Variants in RPS2 observed in about 807,000 individuals in gnomAD.
RPS2 encodes the protein ribosomal protein S2, also known as small ribosomal subunit protein uS5.
A neutral mutation model predicts 25.3 loss-of-function variants in RPS2; 8 were observed. The ratio of observed to expected loss-of-function variants is 0.32; its 90% CI spans 0.19 to 0.57. RPS2 has a LOEUF of 0.57. Among genes scored for constraint, RPS2 ranks in the 20% least tolerant of loss-of-function variants. RPS2 has a pLI of 0.90. For synonymous variants in RPS2, 181 were observed against 161.3 expected (o/e 1.12, Z -0.92); for missense variants, 229 against 408.1 (o/e 0.56, Z 3.78).
chr16:1,962,475 G>A (rs368890652), intron 6 of RPS2, 22 bp downstream of exon 6: 2 of 1,604,672 alleles, frequency 1.2e-6, no homozygotes, highest in African/African-American at 1.3e-5. Flanking sequence ...CCATGGCTAT[G>A]CCCCATGTGT....
At chr16:1,963,445 C>A (rs2083276584) in intron 3 of RPS2, among the ~76,000 whole-genome samples, 189 bp from the exon 4 acceptor site, 1 of 152,066 alleles carries the variant, frequency 6.6e-6, no homozygotes, top group Non-Finnish European at 1.5e-5. Flanking sequence ...TGAAACCCCA[C>A]CTCTATTAAA....
intron 3 of RPS2, chr16:1,963,984 C>G: frequency 2.2e-6 from 1 of 449,586 alleles, no homozygotes; most frequent in East Asian, 4.5e-5. Flanking sequence ...ACTTCATCAT[C>G]CTCTCGGATG....
At chr16:1,962,420 C>G in intron 6 of RPS2, 77 bp downstream of exon 6, 1 of 1,459,898 alleles carries the variant, frequency 6.8e-7, no homozygotes, top group Non-Finnish European at 9.6e-7. Flanking sequence ...CCTGAAAACA[C>G]GCCAAGCACA....
At chr16:1,964,661 G>A (rs781328094) in intron 1 of RPS2, 33 bp from the exon 2 acceptor site, 5 of 1,166,946 alleles carry the variant, frequency 4.3e-6, no homozygotes, top group African/African-American at 1.6e-5. Flanking sequence ...ACTAGTCAGT[G>A]TGGCCTACGC....
chr16:1,962,792 C>A lies in RPS2; in HGVS notation c.493G>T (p.Val165Leu), dbSNP rs1231356093. The change falls in exon 5 of 7, where the codon GTG (valine) becomes TTG (leucine). Residue 165 changes from valine (V) to leucine (L), a missense_variant. By Grantham distance (32) the Val-to-Leu change is conservative. Transcript: ENST00000343262. Reference protein sequence around the residue: ...IILAKLSIVPVRRGYWGNKIG... With the variant: ...IILAKLSIVPLRRGYWGNKIG... ...TTGTTCCCCCAGTAGCCTCTGCGCA[C>A]GGGGACGATGGAGAGCTTGGCCAGG... 1.9e-6 allele frequency: 3 copies of A among 1,611,482 alleles called. No homozygotes were observed. The highest frequency in any genetic ancestry group is 1.3e-5 in the African/African-American group (1 of 75,014).
At position 1,964,262 on chromosome 16, in the gene RPS2, C is replaced by A. The variant is rs762501995; in HGVS notation, c.267+14G>T. On this transcript the variant is annotated intron_variant, in intron 3 of 6. Coordinates refer to ENST00000343262, the MANE Select transcript of RPS2 (RefSeq NM_002952.4). Reference sequence around the variant, plus strand: ...GGGTCGCACTTGCTCAACGCCCCAACGACCGACGCGTACCTTAATAGGCAG... The same window carrying A: ...GGGTCGCACTTGCTCAACGCCCCAAAGACCGACGCGTACCTTAATAGGCAG... 6 of 1,604,246 alleles carry A rather than the reference C, an allele frequency of 3.7e-6. No homozygotes were observed. The South Asian group carries it at 5.5e-5, about 15-fold the overall frequency.
chr16:1,962,941 G>A (rs1265521456), intron 4 of RPS2, 32 bp from the exon 5 acceptor site: 24 of 1,595,926 alleles, frequency 1.5e-5, no homozygotes, highest in Non-Finnish European at 1.9e-5. Context: ...GCAGCTGGTG[G>A]CCCTACACCC....
At position 1,964,515 on chromosome 16, in the gene RPS2, A is replaced by G. The variant is rs200457877; in HGVS notation, c.111T>C (p.Gly37=). The G allele has an allele frequency of 7.8e-5, 124 of 1,595,610 alleles. No homozygotes were observed. The East Asian group carries it at 2.7e-3, about 35-fold the overall frequency. The change falls in exon 2 of 7, where the codon GGT becomes GGC. Residue 37 remains glycine, a synonymous_variant. Transcript: ENST00000343262. ...GGCCCCGGCCCCGTCCACGGCCGCG[A>G]CCCCGGCCCCGGATGCCACTGCCGA... ...GGFGSGIRGR[G]RGRGRGRGRG...
At chr16:1,962,458 T>C (rs1555482948) in intron 6 of RPS2, 39 bp downstream of exon 6, 2 of 1,593,764 alleles carry the variant, frequency 1.3e-6, no homozygotes, top group African/African-American at 1.3e-5. Flanking sequence ...TAAGCGGAGC[T>C]GAGAGACCAT....
intron 3 of RPS2, chr16:1,963,653 C>G (rs1396954837): frequency 5.7e-6 from 2 of 349,724 alleles, no homozygotes; most frequent in Non-Finnish European, 1.1e-5. Context: ...ACCCCCTCAC[C>G]TGGCTTCCCC....
intron 4 of RPS2, 21 bp downstream of exon 4, chr16:1,963,128 C>A: frequency 6.3e-7 from 1 of 1,580,008 alleles, no homozygotes; most frequent in Non-Finnish European, 8.7e-7. Context: ...CAGCGCAGCC[C>A]CCTCCAGGAC....
intron 3 of RPS2, chr16:1,963,808 A>T: frequency 2.2e-6 from 1 of 458,310 alleles, no homozygotes; most frequent in Non-Finnish European, 4.4e-6. Context: ...TGCTTTGTCC[A>T]GCTTTGGCCT....
chr16:1,964,053 G>C lies in RPS2; in HGVS notation c.267+223C>G, dbSNP rs1473809444. On this transcript the variant is annotated intron_variant, in intron 3 of 6. Transcript: ENST00000343262. ...TTCGAAATGAATTCGCTGCGAATGT[G>C]GGAAGATGCGCTGAAATGCCTTTTG... is the stretch of plus-strand genomic sequence containing the variant. 5.2e-6 allele frequency: 3 copies of C among 573,626 alleles called. No individual in the cohort carries two copies. In the Admixed American group the frequency reaches 9.2e-5, roughly 18 times the overall value. The allele number at this position is 573,626 out of a possible 1,614,324, so 35.5% of individuals were successfully genotyped here.
intron 2 of RPS2, 29 bp from the exon 3 acceptor site, chr16:1,964,394 G>A: frequency 6.2e-7 from 1 of 1,613,226 alleles, no homozygotes; most frequent in South Asian, 1.1e-5. Context: ...CCAGTGACCA[G>A]GACCGCTCTC....
chr16:1,963,842 A>AG, intron 3 of RPS2: 1 of 448,756 alleles, frequency 2.2e-6, no homozygotes, highest in South Asian at 1.6e-5. Context: ...GTACCTTGCT[A>AG]GGGCGAACGC....
intron 3 of RPS2, 160 bp downstream of exon 3, chr16:1,964,116 A>G (rs1350128222): frequency 3.2e-6 from 2 of 624,074 alleles, no homozygotes; most frequent in South Asian, 2.0e-5. Context: ...CCAACCTCTA[A>G]GTGGAATCCT....
At chr16:1,962,361 G>A (rs555460828) in intron 6 of RPS2, 91 bp from the exon 7 acceptor site, 18 of 1,384,592 alleles carry the variant, frequency 1.3e-5, no homozygotes, top group Admixed American at 8.4e-5. Context: ...GAACAGAGAG[G>A]CCATTCTGGG....
rs989713704 is a variant in RPS2 at position 1,964,600 on chromosome 16, C to T, written c.26G>A (p.Gly9Glu). 2.0e-6 allele frequency: 3 copies of T among 1,524,912 alleles called. No homozygotes were observed. The highest frequency in any genetic ancestry group is 1.2e-5 in the South Asian group (1 of 80,154). 94.5% of individuals were successfully genotyped at this position (1,524,912 alleles called of 1,614,324 possible). A position where few individuals can be genotyped will look rare whatever the true frequency, so the allele number is the denominator to read the frequency against. ...AGGGCCACCAGGGCCCCCGGGCCCC[C>T]CCGCTGCACCGGCGTCATCCGCCAT... MADDAGAA[G>E]GPGGPGGPGM... Residue 9 changes from glycine (G) to glutamate (E), a missense_variant, in exon 2 of 7, where the codon GGG (glycine) becomes GAG (glutamate). This residue lies in a region of RPS2 where 27 missense variants were observed against 26.4 expected (regional missense o/e 1.02). Coordinates refer to ENST00000343262, the MANE Select transcript of RPS2 (RefSeq NM_002952.4).
Position 1,964,630 on chromosome 16 carries a change from T to C in RPS2, c.-3-2A>G. 6.9e-7 allele frequency: 1 copy of C among 1,455,638 alleles called. No individual in the cohort carries two copies. The highest frequency in any genetic ancestry group is 9.2e-7 in the Non-Finnish European group (1 of 1,085,270). The allele number at this position is 1,455,638 out of a possible 1,614,324, so 90.2% of individuals were successfully genotyped here. A position where few individuals can be genotyped will look rare whatever the true frequency, so the allele number is the denominator to read the frequency against. ...TGCACCGGCGTCATCCGCCATTTGC[T>C]GGGAAAAGCGACAAGAAGGAACTAG... is the stretch of plus-strand genomic sequence containing the variant. On this transcript the variant is annotated splice_acceptor_variant, in intron 1 of 6. Coordinates refer to ENST00000343262, the MANE Select transcript of RPS2 (RefSeq NM_002952.4). LOFTEE classifies it low-confidence loss of function (5UTR_SPLICE).
Sources: allele counts gnomAD v4.1 joint callset (sites outside exome capture counted in the v4.1 genomes callset), GRCh38; gene constraint gnomAD v4.1.1; regional missense constraint gnomAD v4.1.1; transcripts MANE v1.5; gene names NCBI Gene and HGNC (gene_info 2026-07-23, HGNC 2026-07-21).